The following ACADL variants were observed in gnomAD, a reference collection of about 807,000 sequenced individuals.
ACADL encodes the protein acyl-CoA dehydrogenase long chain.
Under a neutral mutation model 56.9 loss-of-function variants are expected in ACADL, and 60 were observed. That is an observed-to-expected ratio of 1.05 (90% CI 0.86 to 1.31). ACADL has a LOEUF of 1.31. ACADL is among the 50% of genes most tolerant of loss of function. The pLI is 0.00. For synonymous variants in ACADL, 158 were observed against 179.7 expected (o/e 0.88, Z 0.97); for missense variants, 484 against 525.5 (o/e 0.92, Z 0.77).
chr2:210,224,428 T>C (rs1689232509), intron 1 of ACADL: 2 of 985,262 alleles, frequency 2.0e-6, no homozygotes, highest in South Asian at 9.4e-5. Flanking sequence ...AATTTGCCAG[T>C]TCCTTCACCC....
chr2:210,193,015 G>A (rs187965154), intron 9 of ACADL, 125 bp from the exon 10 acceptor site: 34 of 711,072 alleles, frequency 4.8e-5, no homozygotes, highest in Non-Finnish European at 6.9e-5. Context: ...CAATTAGAAC[G>A]GCATATTAGC....
intron 4 of ACADL, among the ~76,000 whole-genome samples, chr2:210,214,199 A>C (rs1689035694): frequency 6.6e-6 from 1 of 152,118 alleles, no homozygotes; most frequent in Non-Finnish European, 1.5e-5. Context: ...AAATCAAACC[A>C]AAAATATAGA....
At chr2:210,194,184 C>A (rs1037717274) in intron 9 of ACADL, among the ~76,000 whole-genome samples, 3 of 152,068 alleles carry the variant, frequency 2.0e-5, no homozygotes, top group African/African-American at 7.2e-5. Flanking sequence ...TTTTTTTACA[C>A]TTTTTGCCAC....
chr2:210,192,323 C>A (rs1040343838), intron 10 of ACADL, among the ~76,000 whole-genome samples: 2 of 151,830 alleles, frequency 1.3e-5, no homozygotes, highest in African/African-American at 4.8e-5. Flanking sequence ...CACACCTCTA[C>A]TAAAAATACA....
At chr2:210,212,189 A>T (rs923837780) in intron 4 of ACADL, among the ~76,000 whole-genome samples, 3 of 151,720 alleles carry the variant, frequency 2.0e-5, no homozygotes, top group Non-Finnish European at 4.4e-5. Flanking sequence ...GACCCTAAAG[A>T]TATCAGGTCC....
chr2:210,218,443 G>T, intron 2 of ACADL: 1 of 248,408 alleles, frequency 4.0e-6, no homozygotes, highest in Non-Finnish European at 7.8e-6. Context: ...ACAAGGCCAG[G>T]CTAATTAAAA....
chr2:210,193,545 C>G (rs968297861), intron 9 of ACADL, among the ~76,000 whole-genome samples: 1 of 152,046 alleles, frequency 6.6e-6, no homozygotes, highest in Admixed American at 6.6e-5. Flanking sequence ...GAGAAAAATT[C>G]TTTTCTGATA....
intron 10 of ACADL, among the ~76,000 whole-genome samples, 155 bp downstream of exon 10, chr2:210,192,649 C>T (rs1370752147): frequency 6.6e-6 from 1 of 151,900 alleles, no homozygotes; most frequent in Admixed American, 6.6e-5. Flanking sequence ...AAAAAAAAAG[C>T]TGTTTCCATT....
intron 1 of ACADL, among the ~76,000 whole-genome samples, chr2:210,223,128 G>C (rs1047930882): frequency 2.6e-5 from 4 of 152,118 alleles, no homozygotes; most frequent in African/African-American, 9.7e-5. Flanking sequence ...AATATATAAA[G>C]ACATAGGAAA....
At chr2:210,218,285 CTTTTTTTTT>C (rs35116912) in intron 2 of ACADL, among the ~76,000 whole-genome samples, 183 bp from the exon 3 acceptor site, 2 of 95,384 alleles carry the variant, frequency 2.1e-5, no homozygotes, top group Admixed American at 1.6e-4. Flanking sequence ...CTTTTTTCTG[CTTTTTTTTT>C]TTTTTTTTTT....
rs76895231 is a variant in ACADL, at chr2:210,204,534, C to G, written c.870+47G>C. 2,368 of 1,339,718 alleles carry G rather than the reference C, an allele frequency of 1.8e-3. 5 individuals carry two copies. The highest frequency in any genetic ancestry group is 2.1e-3 in the Non-Finnish European group (1,995 of 932,542). The allele number at this position is 1,339,718 out of a possible 1,614,324, so 83.0% of individuals were successfully genotyped here. A position where few individuals can be genotyped will look rare whatever the true frequency, so the allele number is the denominator to read the frequency against. ...TAACATGTTTCTATATTATTCTATT[C>G]CAATTCATTATTCAGTCAAAAGATG... On this transcript the variant is annotated intron_variant, in intron 7 of 10. Transcript: ENST00000233710.
chr2:210,189,989 T>C (rs1393431156), intron 10 of ACADL, among the ~76,000 whole-genome samples: 2 of 152,204 alleles, frequency 1.3e-5, no homozygotes, highest in Admixed American at 6.5e-5. Flanking sequence ...GAGCTAGTTA[T>C]TGAACTTTGG....
At chr2:210,224,733 C>A in intron 1 of ACADL, 1 of 988,236 alleles carries the variant, frequency 1.0e-6, no homozygotes, top group Non-Finnish European at 1.2e-6. Context: ...AAGTTCACTA[C>A]CGCGCGGCGA....
At chr2:210,190,031 C>CTT (rs955150394) in intron 10 of ACADL, among the ~76,000 whole-genome samples, 1 of 147,940 alleles carries the variant, frequency 6.8e-6, no homozygotes. Context: ...AAAGGCTTTT[C>CTT]TTTTTTTTTT....
rs1056856525 is a variant in ACADL, at chr2:210,192,895, A to G, written c.1113-5T>C. ...CTATTTTGTAACTCAGATGCCCTAA[A>G]TGACCAAAATAAAAGGCAGAAAAGA... On this transcript the variant is annotated splice_region_variant and splice_polypyrimidine_tract_variant and intron_variant, in intron 9 of 10. Transcript: ENST00000233710. 1 of 1,611,474 alleles carries G rather than the reference A, an allele frequency of 6.2e-7. No homozygotes were observed. Among genetic ancestry groups the G allele is most frequent in the Middle Eastern group, 1.7e-4 (1 of 6,056 alleles).
chr2:210,221,481 A>C (rs1689175223), intron 1 of ACADL, among the ~76,000 whole-genome samples: 1 of 152,162 alleles, frequency 6.6e-6, no homozygotes, highest in African/African-American at 2.4e-5. Context: ...AGAAATTTTG[A>C]AAATCTATGC....
intron 5 of ACADL, among the ~76,000 whole-genome samples, chr2:210,209,286 T>C (rs945723791): frequency 2.0e-5 from 3 of 152,196 alleles, no homozygotes; most frequent in Non-Finnish European, 4.4e-5. Context: ...TTCCTTCACG[T>C]AACACTCAGT....
At chr2:210,223,812 G>T (rs1181365797) in intron 1 of ACADL, among the ~76,000 whole-genome samples, 1 of 152,082 alleles carries the variant, frequency 6.6e-6, no homozygotes, top group Non-Finnish European at 1.5e-5. Flanking sequence ...CATGTAATGA[G>T]CTTCTTATTG....
At chr2:210,215,680 G>A (rs1689074467) in intron 4 of ACADL, among the ~76,000 whole-genome samples, 1 of 151,952 alleles carries the variant, frequency 6.6e-6, no homozygotes, top group African/African-American at 2.4e-5. Context: ...CTTTTTATAG[G>A]CCTTTGTTAG....
Sources: gnomAD v4.1 joint callset for allele counts (sites outside exome capture counted in the v4.1 genomes callset) on GRCh38, gnomAD v4.1.1 for gene constraint, MANE v1.5 for transcripts, NCBI Gene and HGNC (gene_info 2026-07-23, HGNC 2026-07-21) for gene names.